Variants in PTPRQ observed in about 807,000 individuals in gnomAD.
PTPRQ encodes the protein protein tyrosine phosphatase receptor type Q, also known as phosphatidylinositol phosphatase PTPRQ.
In PTPRQ, 199 loss-of-function variants were observed where a neutral mutation model predicts 246.0. The ratio of observed to expected loss-of-function variants is 0.81; its 90% CI spans 0.72 to 0.91. The LOEUF (loss-of-function observed/expected upper bound fraction) is 0.91, where lower values mean the gene tolerates loss of function less well. Among genes scored for constraint, PTPRQ ranks in the 40% least tolerant of loss-of-function variants. The probability of loss-of-function intolerance (pLI) is 0.00; values close to 1 mark genes in which losing one functional copy is unlikely to be tolerated. For synonymous variants in PTPRQ, 869 were observed against 853.2 expected, an observed-to-expected ratio of 1.02 and a Z score of -0.32; for missense variants, 2,624 against 2,528.4, an observed-to-expected ratio of 1.04 and a Z score of -0.81.
intron 25 of PTPRQ, among the ~76,000 whole-genome samples, chr12:80,562,988 A>G (rs1218713142): frequency 3.3e-5 from 5 of 152,180 alleles, no homozygotes; most frequent in Non-Finnish European, 7.4e-5. Flanking sequence ...TAAATTTTAT[A>G]TATGAGATGA....
intron 37 of PTPRQ, among the ~76,000 whole-genome samples, chr12:80,651,689 G>C (rs1390979606): frequency 6.6e-6 from 1 of 152,034 alleles, no homozygotes; most frequent in Non-Finnish European, 1.5e-5. Context: ...AAACTTTTAT[G>C]TGAAATAATT....
In PTPRQ at chr12:80,633,961, T is replaced by C. The variant is rs372375398; in HGVS notation, c.5787-984T>C. ...AGATCTATTCTCACCTGAACATTCC[T>C]TGGGCTTTTATACATTCTGCTTTTG... is the stretch of plus-strand genomic sequence containing the variant. On this transcript the variant is annotated intron_variant, in intron 34 of 44. Transcript: ENST00000644991. 3.3e-5 allele frequency among the ~76,000 whole-genome samples: 5 copies of C among 152,236 alleles called. No homozygotes were observed. In the East Asian group the frequency reaches 9.6e-4, roughly 29 times the overall value.
rs1592582658 is a variant in PTPRQ at position 80,496,337 on chromosome 12, A to G, written c.2078A>G (p.Asn693Ser). The G allele has an allele frequency of 2.6e-6, 4 of 1,550,844 alleles. No homozygotes were observed. Among genetic ancestry groups the G allele is most frequent in the Non-Finnish European group, 3.5e-6 (4 of 1,146,492 alleles). ...AAGTGGTCACCACCCGAAAAGCCCA[A>G]TGGGATCATTATTGCTTATGAAGTG... ...RLKWSPPEKPNGIIIAYEVLY... is the reference protein window; with the variant it reads ...RLKWSPPEKPSGIIIAYEVLY... The change falls in exon 14 of 45, where the codon AAT (asparagine) becomes AGT (serine). Residue 693 changes from asparagine (N) to serine (S), a missense_variant. Asn to Ser is a conservative substitution (Grantham distance 46, BLOSUM62 1). Coordinates refer to ENST00000644991, the MANE Select transcript of PTPRQ (RefSeq NM_001145026.2).
At chr12:80,458,331 A>G (rs1299870777) in intron 4 of PTPRQ, among the ~76,000 whole-genome samples, 1 of 152,058 alleles carries the variant, frequency 6.6e-6, no homozygotes, top group Admixed American at 6.6e-5. Flanking sequence ...GTTGCATTAT[A>G]TTTTATTTTT....
intron 25 of PTPRQ, among the ~76,000 whole-genome samples, chr12:80,566,545 T>G (rs1896985221): frequency 6.6e-6 from 1 of 152,124 alleles, no homozygotes; most frequent in Non-Finnish European, 1.5e-5. Context: ...GTGTTTTCAT[T>G]TTTATTTTTT....
intron 26 of PTPRQ, among the ~76,000 whole-genome samples, chr12:80,588,996 A>G (rs554149863): frequency 1.3e-5 from 2 of 152,342 alleles, no homozygotes; most frequent in East Asian, 3.9e-4. Flanking sequence ...TGGGAAGAAG[A>G]AAATACAGAG....
chr12:80,635,140 T>G, intron 35 of PTPRQ, 67 bp downstream of exon 35: 4 of 1,503,480 alleles, frequency 2.7e-6, no homozygotes, highest in Non-Finnish European at 3.5e-6. Context: ...TTCTGACCTA[T>G]GCTTGTTGGA....
intron 17 of PTPRQ, among the ~76,000 whole-genome samples, chr12:80,514,283 C>A (rs1201104046): frequency 6.6e-6 from 1 of 151,442 alleles, no homozygotes; most frequent in Non-Finnish European, 1.5e-5. Context: ...AATTGTAAAA[C>A]TCTGTGGTCG....
At chr12:80,556,560 A>T (rs1896652252) in intron 25 of PTPRQ, among the ~76,000 whole-genome samples, 1 of 152,202 alleles carries the variant, frequency 6.6e-6, no homozygotes, top group Non-Finnish European at 1.5e-5. Flanking sequence ...ATATAGATCA[A>T]TAAAAGTCAG....
At chr12:80,645,424 A>AG (rs1161693904) in intron 35 of PTPRQ, among the ~76,000 whole-genome samples, 4 of 152,008 alleles carry the variant, frequency 2.6e-5, no homozygotes, top group Non-Finnish European at 4.4e-5. Flanking sequence ...ATTCCCTCAC[A>AG]ATAAAGCCAG....
At position 80,637,019 on chromosome 12, in the gene PTPRQ, G is replaced by A. The variant is rs149874513; in HGVS notation, c.5915+1946G>A. ...TCATGCCTGTAATCCCAGCACTTTG[G>A]GAGGCTGTGGAGGGTGAATAACCTG... On this transcript the variant is annotated intron_variant, in intron 35 of 44. Transcript: ENST00000644991. 9.5e-3 allele frequency among the ~76,000 whole-genome samples: 1,446 copies of A among 152,128 alleles called. 17 individuals are homozygous for A. Among genetic ancestry groups the A allele is most frequent in the Middle Eastern group, 0.027 (8 of 294 alleles).
intron 35 of PTPRQ, among the ~76,000 whole-genome samples, chr12:80,643,646 G>A (rs950328349): frequency 2.0e-5 from 3 of 152,060 alleles, no homozygotes; most frequent in African/African-American, 4.8e-5. Context: ...GGATGTGAAA[G>A]AACAAAATAA....
chr12:80,665,242 A>G (rs1900748123), intron 39 of PTPRQ, among the ~76,000 whole-genome samples: 1 of 152,038 alleles, frequency 6.6e-6, no homozygotes, highest in African/African-American at 2.4e-5. Flanking sequence ...TTCCCAGTCC[A>G]CTGACTCAAA....
chr12:80,546,757 T>G (rs1277321432), intron 24 of PTPRQ, 60 bp downstream of exon 24: 2 of 1,512,724 alleles, frequency 1.3e-6, no homozygotes, highest in African/African-American at 2.8e-5. Context: ...TTTCTTTTCC[T>G]TTTCTTAGTT....
intron 25 of PTPRQ, among the ~76,000 whole-genome samples, chr12:80,569,945 G>T (rs1897096116): frequency 6.6e-6 from 1 of 152,144 alleles, no homozygotes; most frequent in Non-Finnish European, 1.5e-5. Context: ...GTATTCCATG[G>T]TGTATATGTG....
chr12:80,567,567 G>A (rs1360359102), intron 25 of PTPRQ, among the ~76,000 whole-genome samples: 1 of 152,114 alleles, frequency 6.6e-6, no homozygotes, highest in Non-Finnish European at 1.5e-5. Flanking sequence ...TTGTTCTTAA[G>A]CTGTCTGTGT....
intron 6 of PTPRQ, among the ~76,000 whole-genome samples, chr12:80,464,124 A>G (rs1234817890): frequency 6.6e-6 from 1 of 151,722 alleles, no homozygotes; most frequent in African/African-American, 2.4e-5. Context: ...CAGGAAACCC[A>G]TCTCACATGC....
At chr12:80,527,711 A>G (rs997549722) in intron 17 of PTPRQ, among the ~76,000 whole-genome samples, 146 of 152,342 alleles carry the variant, frequency 9.6e-4, no homozygotes, top group African/African-American at 3.3e-3. Context: ...AGATAACTCA[A>G]AAATTAAGAG....
intron 2 of PTPRQ, among the ~76,000 whole-genome samples, chr12:80,445,062 C>A (rs1247374704): frequency 1.3e-5 from 2 of 151,798 alleles, no homozygotes; most frequent in East Asian, 3.9e-4. Context: ...GATAATTACT[C>A]TATACTTGTT....
Sources: allele counts gnomAD v4.1 joint callset (sites outside exome capture counted in the v4.1 genomes callset), GRCh38; gene constraint gnomAD v4.1.1; transcripts MANE v1.5; gene names NCBI Gene and HGNC (gene_info 2026-07-23, HGNC 2026-07-21).